SGTB: variants seen among roughly 807,000 people sequenced by gnomAD.
SGTB encodes small glutamine rich tetratricopeptide repeat co-chaperone beta.
Under a neutral mutation model 43.9 loss-of-function variants are expected in SGTB, and 19 were observed. The ratio of observed to expected loss-of-function variants is 0.43; its 90% confidence interval spans 0.30 to 0.63. The LOEUF (loss-of-function observed/expected upper bound fraction) is 0.63. Among genes scored for constraint, SGTB ranks in the 30% least tolerant of loss-of-function variants. SGTB has a pLI of 0.12. For synonymous variants in SGTB, 116 were observed against 117.3 expected (o/e 0.99, Z 0.07); for missense variants, 304 against 358.9 (o/e 0.85, Z 1.24).
At position 65,680,746 on chromosome 5, in the gene SGTB, A is replaced by G; in HGVS notation, c.528T>C (p.Tyr176=). Residue 176 remains tyrosine, a synonymous_variant, in exon 7 of 11, where the codon TAT becomes TAC. Transcript: ENST00000381007. ...LNKFEEAVTS[Y]QKALDLDPEN... ...CAGGGTCAAGATCTAATGCCTTTTGATAACTTGTAACTGCTTCTTCAAATT... is the reference window on the plus strand; with the variant it reads ...CAGGGTCAAGATCTAATGCCTTTTGGTAACTTGTAACTGCTTCTTCAAATT... 1.2e-6 allele frequency: 2 copies of G among 1,613,996 alleles called. No individual in the cohort carries two copies. The highest frequency in any genetic ancestry group is 1.7e-6 in the Non-Finnish European group (2 of 1,180,002).
intron 5 of SGTB, among the ~76,000 whole-genome samples, chr5:65,701,009 C>CAAAAAAAAAA (rs1161067337): frequency 6.2e-5 from 1 of 16,086 alleles, no homozygotes; most frequent in African/African-American, 1.9e-4. Flanking sequence ...GACTCCGTCT[C>CAAAAAAAAAA]AAAAAAAAAA....
At chr5:65,698,384 A>G (rs1441033958) in intron 5 of SGTB, among the ~76,000 whole-genome samples, 1 of 152,218 alleles carries the variant, frequency 6.6e-6, no homozygotes, top group African/African-American at 2.4e-5. Flanking sequence ...TAACAACCCT[A>G]CAAGGTAAAT....
At chr5:65,714,730 G>A (rs1758116302) in intron 2 of SGTB, among the ~76,000 whole-genome samples, 1 of 152,156 alleles carries the variant, frequency 6.6e-6, no homozygotes, top group African/African-American at 2.4e-5. Flanking sequence ...CATGGGAATT[G>A]CTTGAACCCA....
chr5:65,699,142 G>A (rs765563327), intron 5 of SGTB, among the ~76,000 whole-genome samples: 60 of 152,254 alleles, frequency 3.9e-4, no homozygotes, highest in Middle Eastern at 6.8e-3. Flanking sequence ...AGGGCTCATC[G>A]GCCAATGAGT....
intron 8 of SGTB, among the ~76,000 whole-genome samples, chr5:65,675,479 T>C (rs1757249119): frequency 6.6e-6 from 1 of 152,126 alleles, no homozygotes; most frequent in Non-Finnish European, 1.5e-5. Flanking sequence ...CACATACACA[T>C]GTACACAGAT....
rs1757889116 is a variant in SGTB, at chr5:65,704,300, T to A, written c.353A>T (p.Asn118Ile). The change falls in exon 5 of 11, where the codon AAT (asparagine) becomes ATT (isoleucine). Residue 118 changes from asparagine (N) to isoleucine (I), a missense_variant. Physicochemically the swap from Asn to Ile is moderately radical, Grantham distance 149. Coordinates refer to ENST00000381007, the MANE Select transcript of SGTB (RefSeq NM_019072.3). ...TTACCTGTTGCAATAGTAAACTGCATTATTGGGATCCAATTCTATTGCCTG... is the reference window on the plus strand; with the variant it reads ...TTACCTGTTGCAATAGTAAACTGCAATATTGGGATCCAATTCTATTGCCTG... ...YTQAIELDPN[N>I]AVYYCNRAAA... 6 of 1,611,814 alleles carry A rather than the reference T, an allele frequency of 3.7e-6. No homozygotes were observed. Among genetic ancestry groups the A allele is most frequent in the Non-Finnish European group, 5.1e-6 (6 of 1,178,952 alleles).
In SGTB at chr5:65,712,161, C is replaced by T. The variant is rs116927567; in HGVS notation, c.204+800G>A. On this transcript the variant is annotated intron_variant, in intron 3 of 10. Coordinates refer to ENST00000381007, the MANE Select transcript of SGTB (RefSeq NM_019072.3). ...GTGTGATTGTAGTCCCAGCTACTCA[C>T]GAGTCTAAGGTGGGAGAATTGAGGA... 5.3e-5 allele frequency among the ~76,000 whole-genome samples: 8 copies of T among 152,252 alleles called. No homozygotes were observed. In the East Asian group the frequency reaches 1.2e-3, roughly 22 times the overall value.
chr5:65,673,633 A>G (rs1212276902), intron 8 of SGTB, among the ~76,000 whole-genome samples: 1 of 150,404 alleles, frequency 6.6e-6, no homozygotes, highest in Admixed American at 6.6e-5. Context: ...TGTTACAAAA[A>G]GGTTGGGGAC....
chr5:65,701,549 G>A (rs1579875158), intron 5 of SGTB, among the ~76,000 whole-genome samples: 1 of 151,836 alleles, frequency 6.6e-6, no homozygotes, highest in Non-Finnish European at 1.5e-5. Context: ...TAAGACACAC[G>A]GATTTTTGTT....
intron 8 of SGTB, among the ~76,000 whole-genome samples, chr5:65,673,478 G>A (rs1312071419): frequency 6.6e-6 from 1 of 152,110 alleles, no homozygotes; most frequent in African/African-American, 2.4e-5. Flanking sequence ...TCTCATAGGA[G>A]CAAGAACCCT....
chr5:65,712,722 T>G (rs374132240), intron 3 of SGTB, among the ~76,000 whole-genome samples: 5 of 152,156 alleles, frequency 3.3e-5, no homozygotes, highest in African/African-American at 1.2e-4. Flanking sequence ...AAAAGTCGAC[T>G]AATACATACC....
chr5:65,675,374 C>T (rs1457427953), intron 8 of SGTB, among the ~76,000 whole-genome samples: 1 of 152,178 alleles, frequency 6.6e-6, no homozygotes, highest in Non-Finnish European at 1.5e-5. Context: ...CCTAGGACCA[C>T]TTTTATGTAA....
At chr5:65,700,450 C>T (rs1452947111) in intron 5 of SGTB, among the ~76,000 whole-genome samples, 1 of 151,582 alleles carries the variant, frequency 6.6e-6, no homozygotes, top group Non-Finnish European at 1.5e-5. Context: ...GGGTGGATCA[C>T]GAGGTCAGGA....
chr5:65,680,332 A>T (rs1329488374), intron 8 of SGTB, among the ~76,000 whole-genome samples, 162 bp downstream of exon 8: 1 of 152,214 alleles, frequency 6.6e-6, no homozygotes, highest in Non-Finnish European at 1.5e-5. Context: ...CTGCACTTGA[A>T]ATAAAAGTTG....
intron 2 of SGTB, among the ~76,000 whole-genome samples, chr5:65,714,324 T>TAACA (rs998502743): frequency 4.6e-5 from 7 of 151,318 alleles, no homozygotes; most frequent in Non-Finnish European, 1.0e-4. Flanking sequence ...GTAATAAACC[T>TAACA]AACAGAAAAA....
intron 3 of SGTB, 141 bp from the exon 4 acceptor site, chr5:65,708,699 A>G (rs918642902): frequency 9.2e-6 from 5 of 541,982 alleles, no homozygotes; most frequent in Non-Finnish European, 3.1e-6. Flanking sequence ...AAATAATAGT[A>G]TTAACAAAAA....
chr5:65,689,293 C>T (rs1236848565), intron 5 of SGTB, among the ~76,000 whole-genome samples: 1 of 152,190 alleles, frequency 6.6e-6, no homozygotes, highest in Non-Finnish European at 1.5e-5. Context: ...AGGATGACAA[C>T]TATTACATCT....
chr5:65,708,144 G>A (rs1757970859), intron 4 of SGTB, among the ~76,000 whole-genome samples: 1 of 152,150 alleles, frequency 6.6e-6, no homozygotes, highest in African/African-American at 2.4e-5. Flanking sequence ...ACATATGAAA[G>A]ATAAAATAAT....
At chr5:65,717,875 A>AG (rs1195149983) in intron 2 of SGTB, among the ~76,000 whole-genome samples, 2 of 152,166 alleles carry the variant, frequency 1.3e-5, no homozygotes, top group Non-Finnish European at 2.9e-5. Context: ...AGTTGGGCAC[A>AG]AAGTAGGTGG....
Sources: gnomAD v4.1 joint callset for allele counts (sites outside exome capture counted in the v4.1 genomes callset) on GRCh38, gnomAD v4.1.1 for gene constraint, MANE v1.5 for transcripts, NCBI Gene and HGNC (gene_info 2026-07-23, HGNC 2026-07-21) for gene names.